The following NBAS variants were observed in gnomAD, a reference collection of about 807,000 sequenced individuals.
NBAS encodes NAG/BC035112 fusion.
A neutral mutation model predicts 302.5 loss-of-function variants in NBAS; 219 were observed. The observed-to-expected ratio is 0.72, with a 90% CI of 0.65 to 0.81. The LOEUF is 0.81. Among genes scored for constraint, NBAS ranks in the 30% least tolerant of loss-of-function variants. The probability of loss-of-function intolerance (pLI) is 0.00; values close to 1 mark genes in which losing one functional copy is unlikely to be tolerated. For missense variants in NBAS, 2,932 were observed against 2,841.6 expected (o/e 1.03, Z -0.72); for synonymous variants, 1,118 against 1,021.6 (o/e 1.09, Z -1.80).
chr2:15,240,646 G>A (rs368060992), intron 44 of NBAS, among the ~76,000 whole-genome samples: 1 of 151,638 alleles, frequency 6.6e-6, no homozygotes, highest in Non-Finnish European at 1.5e-5. Flanking sequence ...TGCTGACAGG[G>A]GACATTTTCC....
chr2:14,879,666 A>G, the NBAS span, among the ~76,000 whole-genome samples: 1 of 152,324 alleles, frequency 6.6e-6, no homozygotes, highest in Non-Finnish European at 1.5e-5. Flanking sequence ...ACTCAAGTAA[A>G]ACTATAAACA....
At chr2:15,246,497 C>G (rs1558471230) in intron 44 of NBAS, among the ~76,000 whole-genome samples, 1 of 152,200 alleles carries the variant, frequency 6.6e-6, no homozygotes, top group Admixed American at 6.5e-5. Context: ...AGATTCTTTA[C>G]AAGTGCAATA....
the NBAS span, among the ~76,000 whole-genome samples, chr2:14,847,407 A>G: frequency 1.4e-5 from 2 of 142,570 alleles, no homozygotes; most frequent in African/African-American, 5.5e-5. Flanking sequence ...AAAAAAAAAG[A>G]CACAAATAGA....
At chr2:15,181,318 A>T (rs1212046200) in intron 50 of NBAS, among the ~76,000 whole-genome samples, 3 of 152,226 alleles carry the variant, frequency 2.0e-5, no homozygotes, top group Admixed American at 6.5e-5. Context: ...CATAATGGAT[A>T]GATGGCACAC....
chr2:14,800,198 T>C, the NBAS span, among the ~76,000 whole-genome samples: 1 of 152,182 alleles, frequency 6.6e-6, no homozygotes, highest in Non-Finnish European at 1.5e-5. Context: ...TTTGGCTGTG[T>C]CCCCCACCCA....
In NBAS at chr2:15,374,701, T is replaced by C. The variant is rs371564913; in HGVS notation, c.3610A>G (p.Thr1204Ala). ...DLARCCLQLITDRPPAIQEEL... is the reference protein window; with the variant it reads ...DLARCCLQLIADRPPAIQEEL... ...TCTTGAATGGCAGGGGGTCTGTCTG[T>C]TATCAGTTGTAAGCAGCACCTAGAA... Residue 1204 changes from threonine (T) to alanine (A), a missense_variant, in exon 31 of 52, where the codon ACA becomes GCA. By Grantham distance (58) the Thr-to-Ala change is moderately conservative (BLOSUM62 0). Coordinates refer to ENST00000281513, the MANE Select transcript of NBAS (RefSeq NM_015909.4). 1.4e-5 allele frequency: 22 copies of C among 1,613,734 alleles called. No homozygotes were observed. Among genetic ancestry groups the C allele is most frequent in the Non-Finnish European group, 1.6e-5 (19 of 1,179,806 alleles).
the NBAS span, among the ~76,000 whole-genome samples, chr2:14,923,175 T>C: frequency 1.3e-5 from 2 of 151,216 alleles, no homozygotes; most frequent in Non-Finnish European, 3.0e-5. Flanking sequence ...AAAGTATTCA[T>C]TCATTTATTC....
chr2:15,297,281 G>A (rs1474767242), intron 40 of NBAS, among the ~76,000 whole-genome samples: 1 of 152,164 alleles, frequency 6.6e-6, no homozygotes, highest in African/African-American at 2.4e-5. Context: ...TATGTAGGGA[G>A]GGATATCTCT....
chr2:15,435,343 A>G (rs1205899888), intron 21 of NBAS, among the ~76,000 whole-genome samples: 1 of 152,228 alleles, frequency 6.6e-6, no homozygotes, highest in African/African-American at 2.4e-5. Flanking sequence ...TCTTGCCTCT[A>G]AACTGTGCTG....
intron 40 of NBAS, among the ~76,000 whole-genome samples, chr2:15,295,007 T>A (rs1407606952): frequency 6.6e-6 from 1 of 152,198 alleles, no homozygotes; most frequent in Non-Finnish European, 1.5e-5. Context: ...TTCTATCCCC[T>A]ACTCATAGAA....
In NBAS at chr2:15,474,271, T is replaced by C; in HGVS notation, c.1395A>G (p.Glu465=). The change falls in exon 15 of 52, where the codon GAA becomes GAG. Residue 465 remains glutamate (E), a synonymous_variant. Transcript: ENST00000281513. Reference sequence around the variant, plus strand: ...CAGAATCCTCTTCTCCTTCATCTTCTTCTCCAGCTCTAGTCTCCAAACGAG... The same window carrying C: ...CAGAATCCTCTTCTCCTTCATCTTCCTCTCCAGCTCTAGTCTCCAAACGAG... The part of the protein sequence containing the change: ...KRSRLETRAG[E]EDEGEEDSDS... The C allele has an allele frequency of 1.2e-6, 2 of 1,613,960 alleles. No homozygotes were observed. The highest frequency in any genetic ancestry group is 1.7e-6 in the Non-Finnish European group (2 of 1,179,856).
the NBAS span, among the ~76,000 whole-genome samples, chr2:15,036,246 G>A: frequency 6.6e-6 from 1 of 152,096 alleles, no homozygotes; most frequent in Non-Finnish European, 1.5e-5. Flanking sequence ...TGCATCCCTA[G>A]TGCCTAGCAG....
intron 6 of NBAS, among the ~76,000 whole-genome samples, chr2:15,544,070 C>T (rs1663985718): frequency 6.6e-6 from 1 of 152,132 alleles, no homozygotes; most frequent in Non-Finnish European, 1.5e-5. Flanking sequence ...CTCAGTGCTA[C>T]CACAAGACAC....
At chr2:15,322,774 A>C (rs188507008) in intron 38 of NBAS, among the ~76,000 whole-genome samples, 1 of 152,176 alleles carries the variant, frequency 6.6e-6, no homozygotes, top group Non-Finnish European at 1.5e-5. Flanking sequence ...TCACCCTTCA[A>C]TTCTGCTGAG....
intron 10 of NBAS, 61 bp downstream of exon 10, chr2:15,511,151 T>C: frequency 6.2e-7 from 1 of 1,602,212 alleles, no homozygotes; most frequent in Non-Finnish European, 8.5e-7. Flanking sequence ...CTTATTTGTC[T>C]AAGACAAATA....
intron 12 of NBAS, among the ~76,000 whole-genome samples, chr2:15,484,946 A>G (rs1458244811): frequency 6.6e-6 from 1 of 152,186 alleles, no homozygotes; most frequent in African/African-American, 2.4e-5. Flanking sequence ...TTAGTAATTC[A>G]TAAGCTAAAA....
At chr2:15,504,083 T>C (rs974456352) in intron 11 of NBAS, 62 bp downstream of exon 11, 2 of 1,389,618 alleles carry the variant, frequency 1.4e-6, no homozygotes, top group Admixed American at 3.3e-5. Flanking sequence ...GCTTTGACCT[T>C]AAAGGTACTT....
chr2:14,982,579 G>T, the NBAS span, among the ~76,000 whole-genome samples: 3 of 151,990 alleles, frequency 2.0e-5, no homozygotes. Context: ...GAGAGAAAAA[G>T]CTTTAGGAAA....
At chr2:15,527,678 T>C (rs989585887) in intron 9 of NBAS, among the ~76,000 whole-genome samples, 5 of 152,172 alleles carry the variant, frequency 3.3e-5, no homozygotes, top group African/African-American at 1.2e-4. Flanking sequence ...GCATTGGCCA[T>C]TAAGTTTTAA....
Sources: allele counts gnomAD v4.1 joint callset (sites outside exome capture counted in the v4.1 genomes callset), GRCh38; gene constraint gnomAD v4.1.1; transcripts MANE v1.5; gene names NCBI Gene and HGNC (gene_info 2026-07-23, HGNC 2026-07-21).